The following VPS37A variants were observed in gnomAD, a reference collection of about 807,000 sequenced individuals.
VPS37A encodes VPS37A subunit of ESCRT-I.
VPS37A carries 30 observed loss-of-function variants against 49.8 expected under a neutral mutation model. The observed-to-expected ratio is 0.60, with a 90% confidence interval of 0.45 to 0.82. The LOEUF (loss-of-function observed/expected upper bound fraction) is 0.82, where lower values mean the gene tolerates loss of function less well. VPS37A is among the 40% of genes least tolerant of loss of function. The pLI is 0.00. For synonymous variants in VPS37A, 195 were observed against 160.6 expected, an observed-to-expected ratio of 1.21 and a Z score of -1.62; for missense variants, 593 against 464.4, an observed-to-expected ratio of 1.28 and a Z score of -2.55.
In VPS37A at chr8:17,296,308, T is replaced by G. The variant is rs554138686; in HGVS notation, c.*1322T>G. ...CAATGTTGGATACAGAAAATAACTT[T>G]CATTGTCTTCCTGACACTGTGCTAA... On this transcript the variant is annotated 3_prime_UTR_variant, in exon 12 of 12. Coordinates refer to ENST00000324849, the MANE Select transcript of VPS37A (RefSeq NM_152415.3). The G allele has an allele frequency of 6.6e-6, 1 of 152,294 alleles. No individual in the cohort carries two copies. The highest frequency in any genetic ancestry group is 2.1e-4 in the South Asian group (1 of 4,828). The allele number at this position is 152,294 out of a possible 1,614,324, so 9.4% of individuals were successfully genotyped here. A position where few individuals can be genotyped will look rare whatever the true frequency, so the allele number is the denominator to read the frequency against.
downstream of VPS37A, chr8:17,304,580 G>A: frequency 2.0e-6 from 3 of 1,530,538 alleles, no homozygotes; most frequent in Admixed American, 3.5e-5. Context: ...CAGTAGATAT[G>A]TTATATTAAT....
At chr8:17,308,140 T>C in the VPS37A span, among the ~76,000 whole-genome samples, 2 of 152,136 alleles carry the variant, frequency 1.3e-5, no homozygotes, top group East Asian at 3.8e-4. Flanking sequence ...CTTTTATGGC[T>C]TCAGAATTAT....
chr8:17,277,479 A>G (rs577619732), intron 6 of VPS37A, among the ~76,000 whole-genome samples: 1 of 152,226 alleles, frequency 6.6e-6, no homozygotes, highest in Non-Finnish European at 1.5e-5. Flanking sequence ...AACAACAGCT[A>G]TAAACCCTTT....
At chr8:17,262,395 A>G (rs923699054) in intron 1 of VPS37A, among the ~76,000 whole-genome samples, 4 of 152,200 alleles carry the variant, frequency 2.6e-5, no homozygotes, top group East Asian at 3.8e-4. Flanking sequence ...CAGTTAATCT[A>G]TATTCTTAAT....
the VPS37A span, among the ~76,000 whole-genome samples, chr8:17,330,653 A>G: frequency 6.6e-6 from 1 of 152,144 alleles, no homozygotes; most frequent in Non-Finnish European, 1.5e-5. Context: ...ATATATGTCA[A>G]AGTGTGTGTG....
chr8:17,263,707 G>A (rs1230008818), intron 1 of VPS37A, among the ~76,000 whole-genome samples: 4 of 152,116 alleles, frequency 2.6e-5, no homozygotes, highest in African/African-American at 9.7e-5. Flanking sequence ...TCATTGGAAG[G>A]CCAAGGCAGG....
the VPS37A span, chr8:17,326,331 G>T: frequency 6.6e-6 from 1 of 152,132 alleles, no homozygotes; most frequent in African/African-American, 2.4e-5. Flanking sequence ...CTTCAATGAG[G>T]TTTACTTGAG....
chr8:17,269,422 A>G (rs569253983), intron 4 of VPS37A, among the ~76,000 whole-genome samples: 35 of 152,292 alleles, frequency 2.3e-4, no homozygotes, highest in Non-Finnish European at 3.7e-4. Flanking sequence ...GGAATTAATA[A>G]TTACCTACAT....
At chr8:17,248,579 A>G (rs1200775600) in intron 1 of VPS37A, among the ~76,000 whole-genome samples, 1 of 152,206 alleles carries the variant, frequency 6.6e-6, no homozygotes, top group Non-Finnish European at 1.5e-5. Context: ...CCGGGCTCCT[A>G]GCCCTTTTAA....
chr8:17,271,421 C>T (rs1362918329), intron 4 of VPS37A, among the ~76,000 whole-genome samples: 2 of 152,020 alleles, frequency 1.3e-5, no homozygotes, highest in East Asian at 3.9e-4. Flanking sequence ...CTGGCTAACA[C>T]GGTGAAACCT....
downstream of VPS37A, chr8:17,304,493 C>T: frequency 1.2e-6 from 2 of 1,613,810 alleles, no homozygotes; most frequent in Non-Finnish European, 1.7e-6. Context: ...CAGGTGAGCC[C>T]ATAATGAGTA....
At chr8:17,320,506 T>C in the VPS37A span, among the ~76,000 whole-genome samples, 1 of 152,134 alleles carries the variant, frequency 6.6e-6, no homozygotes. Context: ...GCAGGTCATG[T>C]AATCGTAGTA....
chr8:17,279,985 C>A, intron 6 of VPS37A, 43 bp from the exon 7 acceptor site: 1 of 1,606,506 alleles, frequency 6.2e-7, no homozygotes, highest in South Asian at 1.1e-5. Flanking sequence ...GAGAAAAACT[C>A]GATGTCTGAT....
At chr8:17,263,724 G>A (rs73551480) in intron 1 of VPS37A, among the ~76,000 whole-genome samples, 35,336 of 152,056 alleles carry the variant, frequency 0.23, 5,295 homozygotes, top group East Asian at 0.59. Flanking sequence ...CAGGTGGATC[G>A]CTTGAGGTCA....
intron 3 of VPS37A, 127 bp from the exon 4 acceptor site, chr8:17,268,729 T>C: frequency 1.5e-6 from 1 of 681,070 alleles, no homozygotes; most frequent in Non-Finnish European, 2.5e-6. Flanking sequence ...TGTTAATTGC[T>C]AATATCCTTT....
the VPS37A span, among the ~76,000 whole-genome samples, chr8:17,328,966 G>C: frequency 6.6e-6 from 1 of 152,176 alleles, no homozygotes; most frequent in Non-Finnish European, 1.5e-5. Context: ...ATGTGAACTT[G>C]GTCCTAGATT....
intron 6 of VPS37A, among the ~76,000 whole-genome samples, chr8:17,277,861 T>C (rs1001425859): frequency 1.4e-5 from 2 of 140,886 alleles, no homozygotes; most frequent in Admixed American, 7.3e-5. Context: ...TTCTCTTTTA[T>C]ACACACACAC....
chr8:17,305,701 TCA>T, downstream of VPS37A: 1 of 1,469,320 alleles, frequency 6.8e-7, no homozygotes, highest in South Asian at 1.2e-5. Context: ...CCTAAAATTC[TCA>T]GTCATCAAAA....
the VPS37A span, among the ~76,000 whole-genome samples, chr8:17,325,819 G>A: frequency 2.0e-5 from 3 of 152,154 alleles, no homozygotes; most frequent in Non-Finnish European, 4.4e-5. Context: ...TTCAGCAAAT[G>A]TACCCATAGG....
Sources: allele counts gnomAD v4.1 joint callset (sites outside exome capture counted in the v4.1 genomes callset), GRCh38; gene constraint gnomAD v4.1.1; transcripts MANE v1.5; gene names NCBI Gene and HGNC (gene_info 2026-07-23, HGNC 2026-07-21).